The following CNTN3 variants were observed in gnomAD, a reference collection of about 807,000 sequenced individuals.
CNTN3 encodes contactin-3.
Under a neutral mutation model 119.1 loss-of-function variants are expected in CNTN3, and 60 were observed. The ratio of observed to expected loss-of-function variants is 0.50; its 90% confidence interval spans 0.41 to 0.62. The LOEUF is 0.62. Among genes scored for constraint, CNTN3 ranks in the 20% least tolerant of loss-of-function variants. The probability of loss-of-function intolerance (pLI) is 0.00; values close to 1 mark genes in which losing one functional copy is unlikely to be tolerated. For synonymous variants in CNTN3, 450 were observed against 438.7 expected, an observed-to-expected ratio of 1.03 and a Z score of -0.32; for missense variants, 1,101 against 1,242.4, an observed-to-expected ratio of 0.89 and a Z score of 1.71.
At chr3:74,320,885 C>T (rs1458886056) in intron 13 of CNTN3, among the ~76,000 whole-genome samples, 2 of 151,210 alleles carry the variant, frequency 1.3e-5, no homozygotes, top group Non-Finnish European at 2.9e-5. Context: ...TTGTCTATGT[C>T]TATATCCTCA....
intron 5 of CNTN3, among the ~76,000 whole-genome samples, chr3:74,415,479 T>C (rs985512592): frequency 6.6e-6 from 1 of 152,156 alleles, no homozygotes; most frequent in African/African-American, 2.4e-5. Context: ...AAAATAAAGC[T>C]TCTGTTTCTT....
At chr3:74,458,535 T>C (rs1052786777) in intron 4 of CNTN3, among the ~76,000 whole-genome samples, 4 of 152,052 alleles carry the variant, frequency 2.6e-5, no homozygotes, top group African/African-American at 9.7e-5. Flanking sequence ...GCTTCCATAG[T>C]ACAAAGGCAG....
chr3:74,288,365 G>C (rs1702158669), intron 19 of CNTN3, among the ~76,000 whole-genome samples: 1 of 151,878 alleles, frequency 6.6e-6, no homozygotes, highest in East Asian at 1.9e-4. Flanking sequence ...CACCATGTTG[G>C]CCATCCTGGA....
At chr3:74,597,601 T>A (rs1386594537) in intron 1 of CNTN3, among the ~76,000 whole-genome samples, 1 of 152,052 alleles carries the variant, frequency 6.6e-6, no homozygotes, top group African/African-American at 2.4e-5. Flanking sequence ...CTAACTTGCA[T>A]TACTGTGGAC....
At chr3:74,341,139 C>A (rs1486970322) in intron 11 of CNTN3, among the ~76,000 whole-genome samples, 1 of 152,172 alleles carries the variant, frequency 6.6e-6, no homozygotes, top group Non-Finnish European at 1.5e-5. Context: ...AAAATTTGAA[C>A]TACTTGGATA....
intron 1 of CNTN3, among the ~76,000 whole-genome samples, chr3:74,556,973 T>C (rs539056042): frequency 6.6e-6 from 1 of 152,182 alleles, no homozygotes; most frequent in Non-Finnish European, 1.5e-5. Context: ...CTTTGTCCAG[T>C]TTTCAACAGG....
At chr3:74,436,924 T>C (rs1701876227) in intron 4 of CNTN3, among the ~76,000 whole-genome samples, 1 of 152,158 alleles carries the variant, frequency 6.6e-6, no homozygotes, top group South Asian at 2.1e-4. Flanking sequence ...TGTCCAACCC[T>C]TTCTCAAAGA....
intron 3 of CNTN3, among the ~76,000 whole-genome samples, chr3:74,497,288 A>T (rs1475392820): frequency 6.6e-6 from 1 of 152,040 alleles, no homozygotes; most frequent in South Asian, 2.1e-4. Flanking sequence ...TTAAAGAATA[A>T]TGTGAAATAT....
rs191524828 is a variant in CNTN3, at chr3:74,433,094, T to C, written c.359-8154A>G. ...TCAACATCTGGGTACATTATCGAAATTGCTACTGCAGTCAATGAGAACTTG... is the reference window on the plus strand; with the variant it reads ...TCAACATCTGGGTACATTATCGAAACTGCTACTGCAGTCAATGAGAACTTG... On this transcript the variant is annotated intron_variant, in intron 4 of 22. Transcript: ENST00000263665. Among the ~76,000 whole-genome samples the C allele has an allele frequency of 2.1e-3, 316 of 152,190 alleles. 1 individual carries two copies. Among genetic ancestry groups the C allele is most frequent in the African/African-American group, 7.1e-3 (296 of 41,538 alleles).
At chr3:74,452,352 C>T (rs199961860) in intron 4 of CNTN3, among the ~76,000 whole-genome samples, 70,592 of 94,200 alleles carry the variant, frequency 0.75, 27,473 homozygotes, top group African/African-American at 0.87. Flanking sequence ...TTGTGATTTT[C>T]GCACATTGAT....
At chr3:74,508,971 A>G (rs1703314959) in intron 2 of CNTN3, among the ~76,000 whole-genome samples, 3 of 152,336 alleles carry the variant, frequency 2.0e-5, no homozygotes, top group Non-Finnish European at 4.4e-5. Flanking sequence ...CCCAAGATAC[A>G]GTAAAGACAA....
At chr3:74,499,100 A>G (rs756296939) in intron 3 of CNTN3, among the ~76,000 whole-genome samples, 1 of 151,250 alleles carries the variant, frequency 6.6e-6, no homozygotes, top group Non-Finnish European at 1.5e-5. Flanking sequence ...ATGATATTTG[A>G]AAGTTTTCAG....
intron 4 of CNTN3, among the ~76,000 whole-genome samples, chr3:74,435,672 A>G (rs1271375871): frequency 6.6e-6 from 1 of 152,190 alleles, no homozygotes; most frequent in Non-Finnish European, 1.5e-5. Flanking sequence ...ATTTTCTTGA[A>G]TTTAACACAT....
chr3:74,317,335 A>G (rs1432064265), intron 13 of CNTN3, among the ~76,000 whole-genome samples: 1 of 151,706 alleles, frequency 6.6e-6, no homozygotes, highest in Non-Finnish European at 1.5e-5. Flanking sequence ...TAGCCCATTT[A>G]CATTTAAAGT....
intron 13 of CNTN3, among the ~76,000 whole-genome samples, chr3:74,309,131 G>A (rs1483470735): frequency 6.6e-6 from 1 of 151,930 alleles, no homozygotes; most frequent in Non-Finnish European, 1.5e-5. Flanking sequence ...TTGAGATGGA[G>A]TTTCACTCTG....
At chr3:74,268,005 A>C (rs1007592653) in intron 20 of CNTN3, among the ~76,000 whole-genome samples, 1 of 152,166 alleles carries the variant, frequency 6.6e-6, no homozygotes, top group Non-Finnish European at 1.5e-5. Context: ...ATAGCTATAC[A>C]CATGAAAAAT....
intron 19 of CNTN3, among the ~76,000 whole-genome samples, chr3:74,288,154 C>CTTTTTTTT (rs1299127961): frequency 6.8e-5 from 6 of 88,262 alleles, no homozygotes; most frequent in Non-Finnish European, 9.5e-5. Context: ...CTTTTCTTTT[C>CTTTTTTTT]TTTTCTTTTT....
intron 13 of CNTN3, among the ~76,000 whole-genome samples, chr3:74,319,588 T>C (rs956004047): frequency 3.3e-5 from 5 of 151,910 alleles, no homozygotes; most frequent in African/African-American, 1.2e-4. Flanking sequence ...GGCAATACCA[T>C]TCAGGACATA....
Position 74,334,855 on chromosome 3 carries a change from G to A in CNTN3, c.1548C>T (p.Ser516=), listed in dbSNP as rs778468338. Residue 516 remains serine, a synonymous_variant, in exon 13 of 23, where the codon AGC becomes AGT. Transcript: ENST00000263665. ...GTTGTACCTGGCAGGGCAATATGAC[G>A]CTTTCACCAACAGAAACATCCATGT... ...PSNMDVSVGE[S]VILPCQVQHD... The A allele has an allele frequency of 9.7e-5, 156 of 1,613,390 alleles. 1 individual carries two copies. In the Admixed American group the frequency reaches 2.2e-3, roughly 23 times the overall value.
Sources: gnomAD v4.1 joint callset for allele counts (sites outside exome capture counted in the v4.1 genomes callset) on GRCh38, gnomAD v4.1.1 for gene constraint, MANE v1.5 for transcripts, NCBI Gene and HGNC (gene_info 2026-07-23, HGNC 2026-07-21) for gene names.